NRXN3: variants seen among roughly 807,000 people sequenced by gnomAD.
NRXN3 encodes neurexin 3.
In NRXN3, 32 loss-of-function variants were observed where a neutral mutation model predicts 137.6. The ratio of observed to expected loss-of-function variants is 0.23; its 90% CI spans 0.18 to 0.31. NRXN3 has a LOEUF of 0.31. Among genes scored for constraint, NRXN3 ranks in the 10% least tolerant of loss-of-function variants. NRXN3 has a pLI of 1.00. For missense variants in NRXN3, 1,574 were observed against 2,062.5 expected, an observed-to-expected ratio of 0.76 and a Z score of 4.59; for synonymous variants, 798 against 784.5, an observed-to-expected ratio of 1.02 and a Z score of -0.29.
chr14:79,290,735 T>C (rs1375295443), intron 15 of NRXN3, among the ~76,000 whole-genome samples: 1 of 152,024 alleles, frequency 6.6e-6, no homozygotes, highest in African/African-American at 2.4e-5. Context: ...GGTCATTTAA[T>C]TTCCTGGCCT....
intron 6 of NRXN3, among the ~76,000 whole-genome samples, chr14:78,698,596 C>T (rs1339973117): frequency 1.3e-5 from 2 of 151,946 alleles, no homozygotes; most frequent in Admixed American, 6.6e-5. Context: ...AGCCCCTTAG[C>T]GTGCCTCAGA....
intron 1 of NRXN3, among the ~76,000 whole-genome samples, chr14:78,182,156 C>T (rs10148473): frequency 0.13 from 19,077 of 151,810 alleles, 2,099 homozygotes; most frequent in African/African-American, 0.29. Flanking sequence ...GAGCACTCAC[C>T]GTCTGCAGGC....
intron 4 of NRXN3, among the ~76,000 whole-genome samples, chr14:78,434,124 C>T (rs566578679): frequency 3.3e-5 from 5 of 152,236 alleles, no homozygotes; most frequent in East Asian, 1.9e-4. Flanking sequence ...TGTAATTTAT[C>T]GAAATGTTGT....
At chr14:79,367,749 C>A (rs1246460478) in intron 15 of NRXN3, among the ~76,000 whole-genome samples, 2 of 152,144 alleles carry the variant, frequency 1.3e-5, no homozygotes, top group Admixed American at 6.5e-5. Context: ...AACTTTATAA[C>A]CACACCAAGA....
At chr14:78,453,190 G>A (rs188221984) in intron 4 of NRXN3, among the ~76,000 whole-genome samples, 6 of 152,268 alleles carry the variant, frequency 3.9e-5, no homozygotes, top group Admixed American at 6.5e-5. Context: ...CACTGTTAGG[G>A]ATGTATTATT....
intron 4 of NRXN3, among the ~76,000 whole-genome samples, chr14:78,444,682 G>C (rs2094361955): frequency 6.6e-6 from 1 of 152,038 alleles, no homozygotes; most frequent in Admixed American, 6.6e-5. Context: ...CACTTTGGGA[G>C]GCTGAGGCGG....
At chr14:78,616,049 C>A (rs1199623370) in intron 4 of NRXN3, among the ~76,000 whole-genome samples, 2 of 152,236 alleles carry the variant, frequency 1.3e-5, no homozygotes, top group Non-Finnish European at 2.9e-5. Flanking sequence ...CGCCATCACT[C>A]ATCACCTGCA....
intron 1 of NRXN3, among the ~76,000 whole-genome samples, chr14:78,201,415 A>G (rs2061665283): frequency 6.6e-6 from 1 of 152,210 alleles, no homozygotes; most frequent in East Asian, 1.9e-4. Flanking sequence ...CTGCTGGGCA[A>G]CTTTGATGGA....
At chr14:78,342,502 A>G (rs371644879) in intron 4 of NRXN3, among the ~76,000 whole-genome samples, 3 of 152,286 alleles carry the variant, frequency 2.0e-5, no homozygotes, top group African/African-American at 7.2e-5. Flanking sequence ...GCTTACATAT[A>G]TGTCAGGTAA....
chr14:78,487,784 TAA>T, intron 4 of NRXN3, among the ~76,000 whole-genome samples: 1 of 114,792 alleles, frequency 8.7e-6, no homozygotes, highest in East Asian at 2.4e-4. Flanking sequence ...AATAAATAAA[TAA>T]ATAAAGATAG....
At chr14:78,796,584 G>C (rs2098822650) in intron 8 of NRXN3, among the ~76,000 whole-genome samples, 1 of 152,180 alleles carries the variant, frequency 6.6e-6, no homozygotes, top group South Asian at 2.1e-4. Flanking sequence ...CGAGTAGAGA[G>C]AATCAGGGAA....
intron 19 of NRXN3, among the ~76,000 whole-genome samples, chr14:79,769,167 C>A (rs550865869): frequency 2.6e-4 from 36 of 136,448 alleles, no homozygotes; most frequent in African/African-American, 7.4e-4. Flanking sequence ...TGAAAGTGAC[C>A]GGGAGAATGG....
At chr14:79,598,003 A>G (rs983857915) in intron 16 of NRXN3, among the ~76,000 whole-genome samples, 1 of 152,224 alleles carries the variant, frequency 6.6e-6, no homozygotes, top group Non-Finnish European at 1.5e-5. Context: ...TTCTCTACCC[A>G]TTCCAACCCC....
At chr14:79,588,472 G>A (rs1419023535) in intron 16 of NRXN3, among the ~76,000 whole-genome samples, 1 of 152,050 alleles carries the variant, frequency 6.6e-6, no homozygotes, top group Admixed American at 6.6e-5. Flanking sequence ...AATCAGGAGG[G>A]AAAAAAAGGC....
chr14:79,098,529 C>T (rs1169758002), intron 15 of NRXN3, among the ~76,000 whole-genome samples: 3 of 152,196 alleles, frequency 2.0e-5, no homozygotes, highest in Non-Finnish European at 4.4e-5. Context: ...CACATTCTCA[C>T]CCTACCACAC....
At chr14:78,861,466 C>T (rs1030303393) in intron 10 of NRXN3, among the ~76,000 whole-genome samples, 3 of 152,068 alleles carry the variant, frequency 2.0e-5, no homozygotes, top group Non-Finnish European at 4.4e-5. Context: ...TAAGAGTTCA[C>T]ACCTTCTCAG....
At chr14:79,049,098 T>TAATAAAAC (rs1272827423) in intron 15 of NRXN3, among the ~76,000 whole-genome samples, 1 of 102,310 alleles carries the variant, frequency 9.8e-6, no homozygotes. Context: ...AATAATAATA[T>TAATAAAAC]GATGGGGTGT....
rs553667650 is a variant in NRXN3 at position 78,788,902 on chromosome 14, C to T, written c.2045-14718C>T. Among the ~76,000 whole-genome samples, 8 of 152,202 alleles carry T rather than the reference C, an allele frequency of 5.3e-5. No homozygotes were observed. The East Asian group carries it at 1.5e-3, about 29-fold the overall frequency. ...GGAATTCCACCCAGATCTTCTAACT[C>T]CAAGCTTATATGCTTACAGAGACAG... On this transcript the variant is annotated intron_variant, in intron 8 of 20. Coordinates refer to ENST00000335750, the MANE Select transcript of NRXN3 (RefSeq NM_001330195.2).
intron 15 of NRXN3, among the ~76,000 whole-genome samples, chr14:79,303,416 G>A (rs1382365850): frequency 2.6e-5 from 4 of 152,050 alleles, no homozygotes; most frequent in African/African-American, 9.7e-5. Flanking sequence ...TCTGCCTTGT[G>A]CAGGAAGTGA....
Sources: gnomAD v4.1 joint callset for allele counts (sites outside exome capture counted in the v4.1 genomes callset) on GRCh38, gnomAD v4.1.1 for gene constraint, MANE v1.5 for transcripts, NCBI Gene and HGNC (gene_info 2026-07-23, HGNC 2026-07-21) for gene names.